ZDHHC8: variants seen among roughly 807,000 people sequenced by gnomAD.
The protein encoded by ZDHHC8 is zDHHC palmitoyltransferase 8.
In ZDHHC8, 24 loss-of-function variants were observed where a neutral mutation model predicts 61.2. The ratio of observed to expected loss-of-function variants is 0.39; its 90% confidence interval spans 0.28 to 0.55. ZDHHC8 has a LOEUF of 0.55. Ranked by LOEUF, ZDHHC8 falls within the 20% of genes least tolerant of loss-of-function variation. ZDHHC8 has a pLI of 0.60. For missense variants in ZDHHC8, 935 were observed against 1,102.1 expected, an observed-to-expected ratio of 0.85 and a Z score of 2.15; for synonymous variants, 523 against 492.5, an observed-to-expected ratio of 1.06 and a Z score of -0.82.
In ZDHHC8 at chr22:20,147,186, G is replaced by C; in HGVS notation, c.*1786G>C. On this transcript the variant is annotated 3_prime_UTR_variant, in exon 11 of 11. Transcript: ENST00000334554. ...CCCCACGCGGGGCCATGTGCCGCCTGCACTTGGCTGCCTCCAGTCTTTTCC... is the reference window on the plus strand; with the variant it reads ...CCCCACGCGGGGCCATGTGCCGCCTCCACTTGGCTGCCTCCAGTCTTTTCC... The C allele has an allele frequency of 6.6e-7, 1 of 1,515,376 alleles. No homozygotes were observed. The highest frequency in any genetic ancestry group is 1.2e-5 in the South Asian group (1 of 80,470). 93.9% of individuals were successfully genotyped at this position (1,515,376 alleles called of 1,614,324 possible).
rs761959565 is a variant in ZDHHC8, at chr22:20,139,185, C to G, written c.105-9C>G. 1 of 1,612,062 alleles carries G rather than the reference C, an allele frequency of 6.2e-7. No homozygotes were observed. Among genetic ancestry groups the G allele is most frequent in the East Asian group, 2.2e-5 (1 of 44,886 alleles). On this transcript the variant is annotated splice_polypyrimidine_tract_variant and intron_variant, in intron 1 of 10. Transcript: ENST00000334554. ...AGACTCCACTCTCTGCCCCCACTGT[C>G]TACTGCAGGTGCCCGTGGTTGACAC...
At chr22:20,140,408 A>G in intron 5 of ZDHHC8, 191 bp downstream of exon 5, 2 of 774,624 alleles carry the variant, frequency 2.6e-6, no homozygotes, top group South Asian at 1.8e-5. Context: ...GCCTGTGGAC[A>G]CTGTGGCCAC....
rs1004980738 is a variant in ZDHHC8 at position 20,139,389 on chromosome 22, G to T, written c.226+74G>T. ...GTGGCTAACTTGAGACAGCCTTAGG[G>T]ATTCCTGGTGGGTGGGCTGGACTTG... is the stretch of plus-strand genomic sequence containing the variant. On this transcript the variant is annotated intron_variant, in intron 2 of 10. Coordinates refer to ENST00000334554, the MANE Select transcript of ZDHHC8 (RefSeq NM_013373.4). The T allele has an allele frequency of 6.2e-6, 10 of 1,603,062 alleles. No homozygotes were observed. In the Admixed American group the frequency reaches 1.5e-4, roughly 24 times the overall value.
intron 9 of ZDHHC8, 118 bp from the exon 10 acceptor site, chr22:20,142,638 G>GACA: frequency 7.5e-7 from 1 of 1,326,784 alleles, no homozygotes; most frequent in East Asian, 2.4e-5. Context: ...TGGCTCTTAT[G>GACA]GCTCCTTGAG....
Position 20,140,866 on chromosome 22 carries a change from T to C in ZDHHC8, c.753-5T>C, listed in dbSNP as rs775786483. The C allele has an allele frequency of 9.4e-6, 15 of 1,600,944 alleles. No individual in the cohort carries two copies. Among genetic ancestry groups the C allele is most frequent in the Non-Finnish European group, 1.1e-5 (13 of 1,179,822 alleles). ...CTGGCTACTGACCCCTGTGCCCTGG[T>C]GCAGGTACGTGGTGGAGCCACCCCG... On this transcript the variant is annotated splice_region_variant and splice_polypyrimidine_tract_variant and intron_variant, in intron 6 of 10. Transcript: ENST00000334554.
At chr22:20,133,494 C>A (rs2050395313) in intron 1 of ZDHHC8, among the ~76,000 whole-genome samples, 1 of 152,086 alleles carries the variant, frequency 6.6e-6, no homozygotes. Context: ...TTTGGGAGGC[C>A]AAGGTGGGCA....
intron 7 of ZDHHC8, 93 bp from the exon 8 acceptor site, chr22:20,141,124 T>C: frequency 6.3e-7 from 1 of 1,586,620 alleles, no homozygotes; most frequent in South Asian, 1.1e-5. Context: ...CGTAGACAGA[T>C]TCTTGGGAGG....
rs1357558738 is a variant in ZDHHC8, at chr22:20,143,126, T to C, written c.1496T>C (p.Val499Ala). 1 of 1,612,182 alleles carries C rather than the reference T, an allele frequency of 6.2e-7. No homozygotes were observed. The highest frequency in any genetic ancestry group is 8.5e-7 in the Non-Finnish European group (1 of 1,179,830). Residue 499 changes from valine to alanine, a missense_variant, in exon 10 of 11, where the codon GTT (valine) becomes GCT (alanine). This residue lies in a region of ZDHHC8 where 692 missense variants were observed against 731.4 expected (regional missense o/e 0.95). Coordinates refer to ENST00000334554, the MANE Select transcript of ZDHHC8 (RefSeq NM_013373.4). ...GGHACPAHPAVGVAGYHSPYL... is the reference protein window; with the variant it reads ...GGHACPAHPAAGVAGYHSPYL... Reference sequence around the variant, plus strand: ...CACGCCTGCCCTGCCCACCCAGCAGTTGGCGTGGCCGGATACCACTCACCC... The same window carrying C: ...CACGCCTGCCCTGCCCACCCAGCAGCTGGCGTGGCCGGATACCACTCACCC...
intron 1 of ZDHHC8, among the ~76,000 whole-genome samples, chr22:20,134,319 C>T (rs383129): frequency 0.066 from 10,115 of 152,328 alleles, 422 homozygotes; most frequent in Non-Finnish European, 0.086. Flanking sequence ...TTCCCCGACC[C>T]GCCCCGCCTC....
At position 20,145,263 on chromosome 22, in the gene ZDHHC8, C is replaced by G. The variant is rs2050510938; in HGVS notation, c.2161C>G (p.Leu721Val). Residue 721 changes from leucine (L) to valine (V), a missense_variant, in exon 11 of 11, where the codon CTT (leucine) becomes GTT (valine). Physicochemically the swap from Leu to Val is conservative, Grantham distance 32. Coordinates refer to ENST00000334554, the MANE Select transcript of ZDHHC8 (RefSeq NM_013373.4). Reference protein sequence around the residue: ...HPQLKTPPSKLNGQSPGLARL... With the variant: ...HPQLKTPPSKVNGQSPGLARL... ...TCAGCTGAAGACTCCCCCAAGTAAG[C>G]TTAATGGGCAGTCCCCGGGCCTGGC... is the stretch of plus-strand genomic sequence containing the variant. The G allele has an allele frequency of 6.5e-7, 1 of 1,541,002 alleles. No individual in the cohort carries two copies. Among genetic ancestry groups the G allele is most frequent in the Non-Finnish European group, 8.7e-7 (1 of 1,146,050 alleles).
chr22:20,132,320 G>T (rs1422233925), intron 1 of ZDHHC8, among the ~76,000 whole-genome samples: 3 of 152,218 alleles, frequency 2.0e-5, no homozygotes. Context: ...AGGCCCTGGC[G>T]GGGAGCGCTG....
chr22:20,143,766 G>C lies in ZDHHC8; in HGVS notation c.2126+10G>C, dbSNP rs760284130. On this transcript the variant is annotated intron_variant, in intron 10 of 10. Coordinates refer to ENST00000334554, the MANE Select transcript of ZDHHC8 (RefSeq NM_013373.4). ...CGCTGACCGTGCAGAGGTGGGTGCCGGGAGGTGCGGGTGGGCTTCCTGGCA... is the reference window on the plus strand; with the variant it reads ...CGCTGACCGTGCAGAGGTGGGTGCCCGGAGGTGCGGGTGGGCTTCCTGGCA... The C allele has an allele frequency of 3.1e-6, 5 of 1,597,682 alleles. No individual in the cohort carries two copies. Among genetic ancestry groups the C allele is most frequent in the Non-Finnish European group, 4.3e-6 (5 of 1,176,414 alleles).
In ZDHHC8 at chr22:20,139,861, G is replaced by C. The variant is rs1209810072; in HGVS notation, c.526G>C (p.Glu176Gln). ...CCTGGTCTACGTGCTGAACCACGCTGAGGGGCTGGGAGCCGCGCACACCAC... is the reference window on the plus strand; with the variant it reads ...CCTGGTCTACGTGCTGAACCACGCTCAGGGGCTGGGAGCCGCGCACACCAC... ...FGLVYVLNHA[E>Q]GLGAAHTTIT... Residue 176 changes from glutamate to glutamine, a missense_variant, in exon 4 of 11, where the codon GAG (glutamate) becomes CAG (glutamine). By Grantham distance (29) the Glu-to-Gln change is conservative (BLOSUM62 2). Around this residue, in one of 3 missense-constraint regions of ZDHHC8, gnomAD observed 199 missense variants for 334.0 expected, o/e 0.60. Transcript: ENST00000334554. The C allele has an allele frequency of 1.2e-6, 2 of 1,612,562 alleles. No homozygotes were observed. Among genetic ancestry groups the C allele is most frequent in the South Asian group, 1.1e-5 (1 of 91,082 alleles).
chr22:20,141,073 G>GT, intron 7 of ZDHHC8, 61 bp downstream of exon 7: 1 of 1,603,356 alleles, frequency 6.2e-7, no homozygotes, highest in South Asian at 1.1e-5. Flanking sequence ...AAACAGGCAG[G>GT]TTGGTGGGGG....
At chr22:20,136,594 C>T (rs961083599) in intron 1 of ZDHHC8, among the ~76,000 whole-genome samples, 1 of 152,142 alleles carries the variant, frequency 6.6e-6, no homozygotes, top group Admixed American at 6.5e-5. Context: ...TGTGTCTATG[C>T]ATGCCTGTGT....
rs763703502 is a variant in ZDHHC8, at chr22:20,143,662, G to A, written c.2032G>A (p.Gly678Ser). Residue 678 changes from glycine to serine, a missense_variant, in exon 10 of 11, where the codon GGC (glycine) becomes AGC (serine). Physicochemically the swap from Gly to Ser is moderately conservative, Grantham distance 56. Coordinates refer to ENST00000334554, the MANE Select transcript of ZDHHC8 (RefSeq NM_013373.4). ...PARQGLPSPPGTPHSPSYAGP... is the reference protein window; with the variant it reads ...PARQGLPSPPSTPHSPSYAGP... ...ACGCCAGGGCCTGCCCTCCCCGCCC[G>A]GCACTCCCCACTCACCATCCTACGC... 9.3e-6 allele frequency: 15 copies of A among 1,608,324 alleles called. No individual in the cohort carries two copies. The highest frequency in any genetic ancestry group is 2.2e-5 in the East Asian group (1 of 44,798).
chr22:20,145,367 C>T lies in ZDHHC8; in HGVS notation c.2265C>T (p.Gly755=), dbSNP rs147580840. 1.3e-4 allele frequency: 202 copies of T among 1,571,886 alleles called. No individual in the cohort carries two copies. The highest frequency in any genetic ancestry group is 1.2e-4 in the Non-Finnish European group (144 of 1,160,066). The change falls in exon 11 of 11, where the codon GGC becomes GGT. Residue 755 remains glycine (G), a synonymous_variant. Coordinates refer to ENST00000334554, the MANE Select transcript of ZDHHC8 (RefSeq NM_013373.4). ...ACACGCTGGTTAAGAAGGTGTCCGG[C>T]GTGGGTGGGACCACCTACGAGATCT... ...TRHTLVKKVS[G]VGGTTYEISV
intron 1 of ZDHHC8, among the ~76,000 whole-genome samples, chr22:20,138,598 G>T (rs2050440932): frequency 6.6e-6 from 1 of 152,218 alleles, no homozygotes; most frequent in Non-Finnish European, 1.5e-5. Flanking sequence ...GGTGGGGGGT[G>T]TTGTGCATTC....
At chr22:20,133,597 T>G (rs1017208152) in intron 1 of ZDHHC8, among the ~76,000 whole-genome samples, 8 of 151,676 alleles carry the variant, frequency 5.3e-5, no homozygotes, top group Non-Finnish European at 7.4e-5. Context: ...GGCGTGGTGG[T>G]GGGCACCTGT....
Sources: allele counts gnomAD v4.1 joint callset (sites outside exome capture counted in the v4.1 genomes callset), GRCh38; gene constraint gnomAD v4.1.1; regional missense constraint gnomAD v4.1.1; transcripts MANE v1.5; gene names NCBI Gene and HGNC (gene_info 2026-07-23, HGNC 2026-07-21).